Variants in DPYSL2 observed in about 807,000 individuals in gnomAD.
DPYSL2 encodes dihydropyrimidinase like 2.
A neutral mutation model predicts 69.9 loss-of-function variants in DPYSL2; 13 were observed. The observed-to-expected ratio is 0.19, with a 90% CI of 0.12 to 0.30. DPYSL2 has a LOEUF of 0.30. Among genes scored for constraint, DPYSL2 ranks in the 10% least tolerant of loss-of-function variants. The probability of loss-of-function intolerance (pLI) is 1.00; values close to 1 mark genes in which losing one functional copy is unlikely to be tolerated. For missense variants in DPYSL2, 587 were observed against 918.9 expected (o/e 0.64, Z 4.67); for synonymous variants, 326 against 359.1 (o/e 0.91, Z 1.04).
intron 3 of DPYSL2, among the ~76,000 whole-genome samples, chr8:26,604,185 C>CTTTAAA (rs1802057081): frequency 6.6e-6 from 1 of 152,090 alleles, no homozygotes; most frequent in South Asian, 2.1e-4. Context: ...AAAGTGAACC[C>CTTTAAA]TTTAAAGCAA....
Position 26,560,942 on chromosome 8 carries a change from G to A in DPYSL2, c.355-21027G>A, listed in dbSNP as rs532624480. Reference sequence around the variant, plus strand: ...AAGAAGAATTTAAATTGAGCTAGGGGAAGGGAAGTTGTAAGAGAGCAGCTG... The same window carrying A: ...AAGAAGAATTTAAATTGAGCTAGGGAAAGGGAAGTTGTAAGAGAGCAGCTG... On this transcript the variant is annotated intron_variant, in intron 1 of 13. Transcript: ENST00000521913. The surrounding 1 kb of genome is among the most constrained non-coding windows in gnomAD (Gnocchi z 4.4). Among the ~76,000 whole-genome samples, 24 of 152,300 alleles carry A rather than the reference G, an allele frequency of 1.6e-4. No homozygotes were observed. The highest frequency in any genetic ancestry group is 5.8e-4 in the African/African-American group (24 of 41,556).
At chr8:26,574,405 T>G (rs918113079) in intron 1 of DPYSL2, among the ~76,000 whole-genome samples, 1 of 152,150 alleles carries the variant, frequency 6.6e-6, no homozygotes, top group African/African-American at 2.4e-5. Flanking sequence ...AAATGCATTC[T>G]TCCCACTCAT....
intron 7 of DPYSL2, among the ~76,000 whole-genome samples, chr8:26,633,902 C>T (rs1484044052): frequency 3.9e-5 from 6 of 152,208 alleles, no homozygotes; most frequent in Admixed American, 6.5e-5. Context: ...TGTAGACAAA[C>T]GGGGCCCACT....
rs528665637 is a variant in DPYSL2, at chr8:26,635,410, G to T, written c.1126+510G>T. ...CTTGATGCATTCTGAACTGGGGCTG[G>T]GTCTCTGGTATTACTAGGGTGTCCA... On this transcript the variant is annotated intron_variant, in intron 8 of 13. Transcript: ENST00000521913. 2.0e-5 allele frequency among the ~76,000 whole-genome samples: 3 copies of T among 152,226 alleles called. No homozygotes were observed. The East Asian group carries it at 5.8e-4, about 29-fold the overall frequency.
intron 1 of DPYSL2, among the ~76,000 whole-genome samples, chr8:26,527,804 CTTTT>C (rs34631984): frequency 7.5e-6 from 1 of 132,714 alleles, no homozygotes. Context: ...TTTGTTTATC[CTTTT>C]TTTTTTTTTT....
intron 1 of DPYSL2, among the ~76,000 whole-genome samples, chr8:26,537,015 A>C (rs1479071417): frequency 6.9e-6 from 1 of 144,336 alleles, no homozygotes; most frequent in African/African-American, 2.6e-5. Flanking sequence ...CAAGTATATA[A>C]ATGGAGGTTA....
intron 1 of DPYSL2, among the ~76,000 whole-genome samples, chr8:26,568,430 A>G (rs907041584): frequency 6.6e-6 from 1 of 152,196 alleles, no homozygotes; most frequent in Middle Eastern, 3.2e-3. Flanking sequence ...CTGGCACACA[A>G]GGTCAGTAAT....
Position 26,652,540 on chromosome 8 carries a change from G to A in DPYSL2, c.1776+104G>A. 1 of 1,283,610 alleles carries A rather than the reference G, an allele frequency of 7.8e-7. No homozygotes were observed. Among genetic ancestry groups the A allele is most frequent in the Non-Finnish European group, 1.1e-6 (1 of 934,732 alleles). 79.5% of individuals were successfully genotyped at this position (1,283,610 alleles called of 1,614,324 possible). A position where few individuals can be genotyped will look rare whatever the true frequency, so the allele number is the denominator to read the frequency against. The stretch of plus-strand genomic sequence containing the variant: ...GAGACAGAATATTAAGATGAATTTA[G>A]TGGATTCCAGGGATAAGAGGGAGCC... On this transcript the variant is annotated intron_variant, in intron 12 of 13. Transcript: ENST00000521913. This position sits in a 1 kb window ranked among gnomAD's most constrained non-coding sequence, Gnocchi z 6.3.
rs112141672 is a variant in DPYSL2 at position 26,638,900 on chromosome 8, A to C, written c.1126+4000A>C. Among the ~76,000 whole-genome samples, 12 of 152,258 alleles carry C rather than the reference A, an allele frequency of 7.9e-5. No individual in the cohort carries two copies. The East Asian group carries it at 2.1e-3, about 27-fold the overall frequency. ...TCTAGAATGGGCTCCCTCTGACCAC[A>C]TTTTGTCCATGTGTGAAATCCAGCA... On this transcript the variant is annotated intron_variant, in intron 8 of 13. Coordinates refer to ENST00000521913, the MANE Select transcript of DPYSL2 (RefSeq NM_001197293.3).
At chr8:26,515,743 G>A (rs1808276113) in intron 1 of DPYSL2, among the ~76,000 whole-genome samples, 1 of 152,076 alleles carries the variant, frequency 6.6e-6, no homozygotes, top group Non-Finnish European at 1.5e-5. Context: ...CACGTTTTCC[G>A]TTTCTCTCCC....
rs1803030562 is a variant in DPYSL2 at position 26,641,113 on chromosome 8, T to C, written c.1127-2326T>C. On this transcript the variant is annotated intron_variant, in intron 8 of 13. Transcript: ENST00000521913. The surrounding 1 kb of genome is among the most constrained non-coding windows in gnomAD (Gnocchi z 4.1). Reference sequence around the variant, plus strand: ...AGGCCACTTTCCAAGAACCAGCCCCTCCTTGTACTTAAGTTTCTAGAGGCA... The same window carrying C: ...AGGCCACTTTCCAAGAACCAGCCCCCCCTTGTACTTAAGTTTCTAGAGGCA... 6.6e-6 allele frequency among the ~76,000 whole-genome samples: 1 copy of C among 152,142 alleles called. No homozygotes were observed.
At chr8:26,515,738 T>C (rs916150764) in intron 1 of DPYSL2, among the ~76,000 whole-genome samples, 3 of 152,276 alleles carry the variant, frequency 2.0e-5, no homozygotes, top group African/African-American at 7.2e-5. Flanking sequence ...TTTAACACGT[T>C]TTCCGTTTCT....
chr8:26,583,434 A>T (rs182024132), intron 2 of DPYSL2, among the ~76,000 whole-genome samples: 8 of 151,950 alleles, frequency 5.3e-5, no homozygotes, highest in Non-Finnish European at 1.0e-4. Context: ...AAGTACGGCC[A>T]GGTCTGGAGA....
In DPYSL2 at chr8:26,641,179, A is replaced by G. The variant is rs1048562023; in HGVS notation, c.1127-2260A>G. Among the ~76,000 whole-genome samples the G allele has an allele frequency of 3.3e-5, 5 of 152,208 alleles. No individual in the cohort carries two copies. The highest frequency in any genetic ancestry group is 4.8e-5 in the African/African-American group (2 of 41,452). ...CACAGGGAGAGGATGAGCGTCGGCA[A>G]GTTACAGGAAACTCAGGAAAATGTT... On this transcript the variant is annotated intron_variant, in intron 8 of 13. Coordinates refer to ENST00000521913, the MANE Select transcript of DPYSL2 (RefSeq NM_001197293.3). This position sits in a 1 kb window ranked among gnomAD's most constrained non-coding sequence, Gnocchi z 4.1.
chr8:26,530,880 G>C (rs1800500548), intron 1 of DPYSL2, among the ~76,000 whole-genome samples: 2 of 152,100 alleles, frequency 1.3e-5, no homozygotes, highest in African/African-American at 4.8e-5. Context: ...GCTAGGTCTT[G>C]ACAGGGAGGT....
At chr8:26,546,822 G>GAGGC (rs1800776789) in intron 1 of DPYSL2, among the ~76,000 whole-genome samples, 1 of 150,142 alleles carries the variant, frequency 6.7e-6, no homozygotes, top group Admixed American at 6.7e-5. Flanking sequence ...TCAGGAGGCT[G>GAGGC]AGGCAGGCGA....
At chr8:26,570,373 C>A (rs1386154276) in intron 1 of DPYSL2, among the ~76,000 whole-genome samples, 1 of 152,154 alleles carries the variant, frequency 6.6e-6, no homozygotes, top group Non-Finnish European at 1.5e-5. Context: ...TAAAGAAAGA[C>A]AGCCGATCAC....
chr8:26,531,078 A>T (rs1454200963), intron 1 of DPYSL2, among the ~76,000 whole-genome samples: 2 of 139,530 alleles, frequency 1.4e-5, no homozygotes, highest in Non-Finnish European at 1.6e-5. Flanking sequence ...AAAAAAAAAA[A>T]GGTGATGAGG....
At chr8:26,581,885 A>G (rs908599798) in intron 1 of DPYSL2, 84 bp from the exon 2 acceptor site, 1 of 1,080,620 alleles carries the variant, frequency 9.3e-7, no homozygotes, top group Non-Finnish European at 1.4e-6. Context: ...TGAACAGTGA[A>G]AATGTATCCT....
Sources: allele counts gnomAD v4.1 joint callset (sites outside exome capture counted in the v4.1 genomes callset), GRCh38; gene constraint gnomAD v4.1.1; non-coding constraint Gnocchi (gnomAD v3.1); transcripts MANE v1.5; gene names NCBI Gene and HGNC (gene_info 2026-07-23, HGNC 2026-07-21).